Variants in NRG1 observed in about 807,000 individuals in gnomAD.
NRG1 encodes the protein pro-neuregulin-1, membrane-bound isoform.
In NRG1, 18 loss-of-function variants were observed where a neutral mutation model predicts 63.8. The ratio of observed to expected loss-of-function variants is 0.28; its 90% CI spans 0.19 to 0.42. The LOEUF is 0.42. NRG1 is among the 10% of genes least tolerant of loss of function. NRG1 has a pLI of 1.00. For missense variants in NRG1, 762 were observed against 814.7 expected (o/e 0.94, Z 0.79); for synonymous variants, 302 against 301.3 (o/e 1.00, Z -0.02).
At chr8:32,199,538 T>C (rs1450413486) in intron 1 of NRG1, among the ~76,000 whole-genome samples, 1 of 152,174 alleles carries the variant, frequency 6.6e-6, no homozygotes, top group Non-Finnish European at 1.5e-5. Context: ...TCTTAGATCT[T>C]ACTTGTCTGA....
intron 1 of NRG1, among the ~76,000 whole-genome samples, chr8:31,906,249 G>T (rs1451096986): frequency 6.6e-6 from 1 of 152,282 alleles, no homozygotes; most frequent in East Asian, 1.9e-4. Flanking sequence ...CTTACCACGT[G>T]GGATTCTCCA....
intron 1 of NRG1, among the ~76,000 whole-genome samples, chr8:32,098,444 A>G (rs943747315): frequency 2.0e-5 from 3 of 152,208 alleles, no homozygotes; most frequent in African/African-American, 4.8e-5. Context: ...GTAATGGATG[A>G]TTCTGACAGG....
At chr8:31,843,700 C>T (rs190805722) in intron 1 of NRG1, among the ~76,000 whole-genome samples, 12 of 152,284 alleles carry the variant, frequency 7.9e-5, no homozygotes, top group East Asian at 7.7e-4. Flanking sequence ...CCTTTTAATA[C>T]GAATCCCCAG....
chr8:32,355,576 C>T (rs1015157488), intron 1 of NRG1, among the ~76,000 whole-genome samples: 2 of 151,804 alleles, frequency 1.3e-5, no homozygotes, highest in Non-Finnish European at 2.9e-5. Flanking sequence ...TTGGATATTT[C>T]TATTTTTAAA....
At chr8:31,800,678 C>G (rs889886099) in intron 1 of NRG1, among the ~76,000 whole-genome samples, 2 of 151,988 alleles carry the variant, frequency 1.3e-5, no homozygotes, top group Admixed American at 1.3e-4. Flanking sequence ...TTTAGTTGAC[C>G]TGGTTTTTAA....
intron 1 of NRG1, among the ~76,000 whole-genome samples, chr8:32,038,497 T>G (rs1019278629): frequency 3.3e-5 from 5 of 152,200 alleles, no homozygotes; most frequent in African/African-American, 1.2e-4. Context: ...ACAAGAGATA[T>G]GAAAGTATGT....
At chr8:32,026,674 C>T (rs953671001) in intron 1 of NRG1, among the ~76,000 whole-genome samples, 16 of 152,120 alleles carry the variant, frequency 1.1e-4, no homozygotes, top group African/African-American at 3.4e-4. Context: ...AATAGCTTAA[C>T]TTAGTTAGGT....
chr8:32,696,410 C>A (rs1292674810), intron 5 of NRG1, among the ~76,000 whole-genome samples: 1 of 152,180 alleles, frequency 6.6e-6, no homozygotes, highest in African/African-American at 2.4e-5. Context: ...TCCCCACTTT[C>A]TGCCTTTGCT....
At chr8:32,085,144 C>T (rs1828031549) in intron 1 of NRG1, among the ~76,000 whole-genome samples, 1 of 152,210 alleles carries the variant, frequency 6.6e-6, no homozygotes, top group African/African-American at 2.4e-5. Context: ...TTGCTTTTGA[C>T]ATAATTGATT....
chr8:31,706,816 ATTTGAG>A (rs1163102107), intron 1 of NRG1, among the ~76,000 whole-genome samples: 1 of 152,166 alleles, frequency 6.6e-6, no homozygotes, highest in Non-Finnish European at 1.5e-5. Context: ...ATTTTCATAT[ATTTGAG>A]TGATGTTCCT....
intron 1 of NRG1, among the ~76,000 whole-genome samples, chr8:32,260,905 CTAT>C (rs1014253864): frequency 5.3e-5 from 8 of 152,136 alleles, no homozygotes; most frequent in Non-Finnish European, 4.4e-5. Context: ...ACTTTTTTCC[CTAT>C]TGTTACTTAC....
intron 5 of NRG1, chr8:32,648,228 G>A (rs1431441242): frequency 9.9e-6 from 16 of 1,613,942 alleles, no homozygotes; most frequent in Non-Finnish European, 1.3e-5. Flanking sequence ...ACCATCAGCG[G>A]CACCGACACC....
intron 1 of NRG1, among the ~76,000 whole-genome samples, chr8:32,081,167 G>C (rs995037125): frequency 6.6e-6 from 1 of 152,118 alleles, no homozygotes; most frequent in Non-Finnish European, 1.5e-5. Context: ...CCATGGCCCA[G>C]CCAAGTTGAC....
chr8:32,697,906 A>G (rs1813770048), intron 5 of NRG1, among the ~76,000 whole-genome samples: 1 of 152,112 alleles, frequency 6.6e-6, no homozygotes, highest in African/African-American at 2.4e-5. Context: ...AAGCTGTTAG[A>G]CATCAATATG....
intron 1 of NRG1, among the ~76,000 whole-genome samples, chr8:32,512,815 A>G (rs1451298531): frequency 6.6e-6 from 1 of 152,144 alleles, no homozygotes; most frequent in Admixed American, 6.6e-5. Flanking sequence ...TTATACTTGT[A>G]TATTGTTTGA....
chr8:32,307,586 GGTT>G (rs1856338784), intron 1 of NRG1, among the ~76,000 whole-genome samples: 1 of 108,898 alleles, frequency 9.2e-6, no homozygotes, highest in Non-Finnish European at 2.1e-5. Context: ...GTCACCCAGG[GGTT>G]TGTGTGTGTG....
intron 1 of NRG1, among the ~76,000 whole-genome samples, chr8:32,031,414 G>A (rs1818236010): frequency 6.6e-6 from 1 of 152,204 alleles, no homozygotes; most frequent in Admixed American, 6.5e-5. Flanking sequence ...GGCCCCTGCA[G>A]CTCGCTGCAC....
At chr8:32,413,605 G>A (rs1484290322) in intron 1 of NRG1, among the ~76,000 whole-genome samples, 1 of 152,140 alleles carries the variant, frequency 6.6e-6, no homozygotes, top group Non-Finnish European at 1.5e-5. Flanking sequence ...GCCTTCTATA[G>A]AACACATTCC....
intron 1 of NRG1, among the ~76,000 whole-genome samples, chr8:31,919,607 G>A (rs982952599): frequency 1.1e-4 from 17 of 151,980 alleles, no homozygotes; most frequent in South Asian, 2.1e-4. Flanking sequence ...TAGTAATATC[G>A]AAATATTTCA....
Sources: allele counts gnomAD v4.1 joint callset (sites outside exome capture counted in the v4.1 genomes callset), GRCh38; gene constraint gnomAD v4.1.1; transcripts MANE v1.5; gene names NCBI Gene and HGNC (gene_info 2026-07-23, HGNC 2026-07-21).